Variants in HUWE1 observed in about 807,000 individuals in gnomAD.
HUWE1 encodes the protein E3 ubiquitin-protein ligase HUWE1.
Under a neutral mutation model 299.4 loss-of-function variants are expected in HUWE1, and 18 were observed. That is an observed-to-expected ratio of 0.06 (90% CI 0.04 to 0.09). The LOEUF is 0.09. Ranked by LOEUF, HUWE1 falls within the 10% of genes least tolerant of loss-of-function variation. The probability of loss-of-function intolerance (pLI) is 1.00; values close to 1 mark genes in which losing one functional copy is unlikely to be tolerated. For synonymous variants in HUWE1, 1,317 were observed against 1,286.1 expected (o/e 1.02, Z -0.51); for missense variants, 1,832 against 3,462.3 (o/e 0.53, Z 11.82).
At chrX:53,662,229 T>G (rs1423747324) in intron 3 of HUWE1, among the ~76,000 whole-genome samples, 1 of 111,392 alleles carries the variant, frequency 9.0e-6, no homozygotes. Context: ...TGAGAAGCAC[T>G]AGATCAGAAT....
At chrX:53,619,510 G>C (rs2065993899) in intron 19 of HUWE1, among the ~76,000 whole-genome samples, 1 of 105,359 alleles carries the variant, frequency 9.5e-6, no homozygotes, top group African/African-American at 3.5e-5. Flanking sequence ...CCAGCTGTGT[G>C]TGGAACCAAG....
intron 37 of HUWE1, among the ~76,000 whole-genome samples, chrX:53,587,345 C>T (rs2063908629): frequency 8.9e-6 from 1 of 112,126 alleles, no homozygotes; most frequent in Non-Finnish European, 1.9e-5. Context: ...ACTGGGGCTA[C>T]ACCAAAGTGT....
chrX:53,584,495 G>C, intron 40 of HUWE1, 150 bp from the exon 41 acceptor site: 2 of 514,869 alleles, frequency 3.9e-6, no homozygotes, highest in East Asian at 3.6e-5. Flanking sequence ...GAAAAAACCT[G>C]AAAGTCCCCA....
chrX:53,621,505 AGAT>A (rs1278620167), intron 19 of HUWE1, among the ~76,000 whole-genome samples: 1 of 107,371 alleles, frequency 9.3e-6, no homozygotes, highest in African/African-American at 3.4e-5. Context: ...AAAGCATCCT[AGAT>A]GATGATTTCA....
intron 7 of HUWE1, among the ~76,000 whole-genome samples, chrX:53,635,997 T>G (rs974647537): frequency 1.5e-4 from 17 of 112,721 alleles, no homozygotes; most frequent in Non-Finnish European, 2.8e-4. Flanking sequence ...TCAATCCAGG[T>G]ATCATATATG....
intron 3 of HUWE1, among the ~76,000 whole-genome samples, chrX:53,673,154 C>T (rs1260542583): frequency 3.7e-5 from 4 of 109,159 alleles, no homozygotes; most frequent in Non-Finnish European, 5.7e-5. Context: ...TTTGTGTGGC[C>T]ACCACATCGG....
In HUWE1 at chrX:53,550,687, C is replaced by A; in HGVS notation, c.9467G>T (p.Gly3156Val). ...AVQRGGTFQM[G>V]GSSSHNRPSG... ...GTACCTGTTATGGCTGCTGCTACCCCCCATCTGGAAGGTGCCACCTCTCTG... is the reference window on the plus strand; with the variant it reads ...GTACCTGTTATGGCTGCTGCTACCCACCATCTGGAAGGTGCCACCTCTCTG... Residue 3156 changes from glycine to valine, a missense_variant, in exon 66 of 84, where the codon GGG (glycine) becomes GTG (valine). Physicochemically the swap from Gly to Val is moderately radical, Grantham distance 109 (BLOSUM62 -3). This residue lies in a region of HUWE1 where 91 missense variants were observed against 281.2 expected (regional missense o/e 0.32). Transcript: ENST00000262854. 1 of 1,211,094 alleles carries A rather than the reference C, an allele frequency of 8.3e-7. No homozygotes were observed. Among genetic ancestry groups the A allele is most frequent in the Non-Finnish European group, 1.1e-6 (1 of 894,981 alleles).
chrX:53,645,739 ATATATATATAT>A (rs2067976666), intron 6 of HUWE1, among the ~76,000 whole-genome samples: 805 of 19,930 alleles, frequency 0.04, 110 homozygotes, highest in African/African-American at 0.14. Flanking sequence ...AAAAAAAAAT[ATATATATATAT>A]ATATATATAT....
At chrX:53,566,384 T>C (rs1419234777) in intron 49 of HUWE1, among the ~76,000 whole-genome samples, 1 of 107,047 alleles carries the variant, frequency 9.3e-6, no homozygotes, top group Non-Finnish European at 1.9e-5. Flanking sequence ...GATGGGAGGA[T>C]TGCTTGAGCC....
At chrX:53,642,864 TA>T (rs2149217973) in intron 7 of HUWE1, among the ~76,000 whole-genome samples, 1 of 112,496 alleles carries the variant, frequency 8.9e-6, no homozygotes, top group Admixed American at 9.4e-5. Flanking sequence ...TTTTCAGTTT[TA>T]AAACACTGTT....
Position 53,575,248 on chromosome X carries a change from A to G in HUWE1, c.6031-27T>C, listed in dbSNP as rs781919799. The G allele has an allele frequency of 7.1e-6, 8 of 1,132,033 alleles. No homozygotes were observed. The East Asian group carries it at 1.8e-4, about 25-fold the overall frequency. 93.3% of individuals were successfully genotyped at this position (1,132,033 alleles called of 1,213,427 possible). A position where few individuals can be genotyped will look rare whatever the true frequency, so the allele number is the denominator to read the frequency against. The stretch of plus-strand genomic sequence containing the variant: ...TGAAGAAGAAGAAAACTCCTGAGCT[A>G]TTATGAATTTCAAAAGCACCCGTCT... On this transcript the variant is annotated intron_variant, in intron 45 of 83. Coordinates refer to ENST00000262854, the MANE Select transcript of HUWE1 (RefSeq NM_031407.7).
chrX:53,534,211 C>T lies in HUWE1; in HGVS notation c.12832-14G>A. The T allele has an allele frequency of 8.4e-7, 1 of 1,192,897 alleles. No individual in the cohort carries two copies. The highest frequency in any genetic ancestry group is 1.1e-6 in the Non-Finnish European group (1 of 879,246). On this transcript the variant is annotated splice_polypyrimidine_tract_variant and intron_variant, in intron 82 of 83. Coordinates refer to ENST00000262854, the MANE Select transcript of HUWE1 (RefSeq NM_031407.7). ...GAACCACTGGATCTGTAGGAAGGGACCCATGAAGCCAGTGTTAGGTAGAAA... is the reference window on the plus strand; with the variant it reads ...GAACCACTGGATCTGTAGGAAGGGATCCATGAAGCCAGTGTTAGGTAGAAA...
At chrX:53,565,413 A>C (rs1247038719) in intron 49 of HUWE1, among the ~76,000 whole-genome samples, 174 bp from the exon 50 acceptor site, 1 of 111,741 alleles carries the variant, frequency 8.9e-6, no homozygotes, top group Non-Finnish European at 1.9e-5. Context: ...AAATGTCTTC[A>C]AGGAACCCAC....
intron 23 of HUWE1, among the ~76,000 whole-genome samples, chrX:53,609,222 G>C (rs1025307465): frequency 9.0e-6 from 1 of 111,264 alleles, no homozygotes; most frequent in Non-Finnish European, 1.9e-5. Context: ...GCATAAAGGG[G>C]ACAACCAAGC....
chrX:53,630,637 A>AG (rs782753186), intron 12 of HUWE1, among the ~76,000 whole-genome samples: 57 of 109,262 alleles, frequency 5.2e-4, no homozygotes, highest in African/African-American at 1.9e-3. Context: ...GAGAAAGAGT[A>AG]GGGGGACAGT....
At position 53,590,506 on chromosome X, in the gene HUWE1, T is replaced by A; in HGVS notation, c.4096-7A>T. ...CTTCAGACATGCTGAGATCCTAGAG[T>A]GTTAAGAGAATATCCAGTAAGGATA... On this transcript the variant is annotated splice_polypyrimidine_tract_variant and splice_region_variant and intron_variant, in intron 34 of 83. Transcript: ENST00000262854. 8.6e-7 allele frequency: 1 copy of A among 1,161,141 alleles called. No homozygotes were observed.
Position 53,536,224 on chromosome X carries a change from G to T in HUWE1, c.12454C>A (p.His4152Asn). The T allele has an allele frequency of 8.4e-7, 1 of 1,196,053 alleles. No individual in the cohort carries two copies. Among genetic ancestry groups the T allele is most frequent in the Non-Finnish European group, 1.1e-6 (1 of 881,859 alleles). The change falls in exon 80 of 84, where the codon CAC becomes AAC. Residue 4152 changes from histidine to asparagine, a missense_variant. Around this residue, in one of 15 missense-constraint regions of HUWE1, gnomAD observed 129 missense variants for 439.4 expected, o/e 0.29. Transcript: ENST00000262854. Reference protein sequence around the residue: ...RYTDMESEDYHFYQGLVYLLE... With the variant: ...RYTDMESEDYNFYQGLVYLLE... ...AGATAAACCAGACCTTGGTAGAAGT[G>T]GTAATCTTCACTCTCCATATCTGTA...
At position 53,573,870 on chromosome X, in the gene HUWE1, A is replaced by G. The variant is rs782229133; in HGVS notation, c.6192T>C (p.Pro2064=). The change falls in exon 47 of 84, where the codon CCT becomes CCC. Residue 2064 remains proline, a synonymous_variant. Transcript: ENST00000262854. ...GAAGGATAGTGGAGGTAGGCATTAA[A>G]GGTTTGCTGCCCTTGCCTTTCTGTT... ...EGKQKGKGSK[P]LMPTSTILRL... The G allele has an allele frequency of 1.3e-5, 16 of 1,209,470 alleles. No individual in the cohort carries two copies. The East Asian group carries it at 4.7e-4, about 36-fold the overall frequency.
chrX:53,553,809 C>A (rs2147367365), intron 61 of HUWE1, among the ~76,000 whole-genome samples: 1 of 108,547 alleles, frequency 9.2e-6, no homozygotes, highest in East Asian at 2.9e-4. Context: ...GACTTTTTCT[C>A]AAAAAATAAA....
Sources: gnomAD v4.1 joint callset for allele counts (sites outside exome capture counted in the v4.1 genomes callset) on GRCh38, gnomAD v4.1.1 for gene constraint, gnomAD v4.1.1 regional missense constraint, MANE v1.5 for transcripts, NCBI Gene and HGNC (gene_info 2026-07-23, HGNC 2026-07-21) for gene names.